The following HSD17B7 variants were observed in gnomAD, a reference collection of about 807,000 sequenced individuals.
HSD17B7 encodes 3-keto-steroid reductase/17-beta-hydroxysteroid dehydrogenase 7.
A neutral mutation model predicts 34.1 loss-of-function variants in HSD17B7; 17 were observed. That is an observed-to-expected ratio of 0.50 (90% CI 0.34 to 0.75). The LOEUF (loss-of-function observed/expected upper bound fraction) is 0.75. Among genes scored for constraint, HSD17B7 ranks in the 30% least tolerant of loss-of-function variants. HSD17B7 has a pLI of 0.01. For synonymous variants in HSD17B7, 122 were observed against 154.6 expected (o/e 0.79, Z 1.56); for missense variants, 296 against 406.6 (o/e 0.73, Z 2.34).
rs1169778683 is a variant in HSD17B7, at chr1:162,799,863, A to C, written c.568A>C (p.Lys190Gln). 1.9e-5 allele frequency: 31 copies of C among 1,614,002 alleles called. No individual in the cohort carries two copies. Among genetic ancestry groups the C allele is most frequent in the Non-Finnish European group, 2.6e-5 (31 of 1,179,984 alleles). ...SLEDFQHSKG[K>Q]EPYSSSKYAT... is the part of the protein sequence containing the mutation. ...CGAGGACTTCCAGCACAGCAAAGGC[A>C]AGGAACCCTACAGCTCTTCCAAATA... The change falls in exon 5 of 9, where the codon AAG (lysine) becomes CAG (glutamine). Residue 190 changes from lysine to glutamine, a missense_variant. Transcript: ENST00000254521.
At chr1:162,800,565 G>A (rs1255079482) in intron 5 of HSD17B7, among the ~76,000 whole-genome samples, 1 of 152,196 alleles carries the variant, frequency 6.6e-6, no homozygotes, top group East Asian at 1.9e-4. Flanking sequence ...AGGGGATGGT[G>A]ACCCTTGTTG....
intron 4 of HSD17B7, 25 bp from the exon 5 acceptor site, chr1:162,799,718 T>C (rs1158062360): frequency 6.3e-7 from 1 of 1,596,612 alleles, no homozygotes; most frequent in Non-Finnish European, 8.6e-7. Flanking sequence ...TATATTTTAA[T>C]ACTTTTTTTT....
chr1:162,799,838 C>T lies in HSD17B7; in HGVS notation c.543C>T (p.Leu181=), dbSNP rs370344067. ...GTGCAAGGAAATCTAATTTCAGCCTCGAGGACTTCCAGCACAGCAAAGGCA... is the reference window on the plus strand; with the variant it reads ...GTGCAAGGAAATCTAATTTCAGCCTTGAGGACTTCCAGCACAGCAAAGGCA... ...SRSARKSNFS[L]EDFQHSKGKE... is the part of the protein sequence containing the mutation. Residue 181 remains leucine, a synonymous_variant, in exon 5 of 9, where the codon CTC becomes CTT. Transcript: ENST00000254521. 5.6e-5 allele frequency: 90 copies of T among 1,613,828 alleles called. No individual in the cohort carries two copies. The highest frequency in any genetic ancestry group is 2.1e-4 in the South Asian group (19 of 91,062).
chr1:162,803,414 C>T lies in HSD17B7; in HGVS notation c.643-17C>T. On this transcript the variant is annotated splice_polypyrimidine_tract_variant and intron_variant, in intron 5 of 8. Transcript: ENST00000254521. Reference sequence around the variant, plus strand: ...ACACTGAGTTAAAGTCTCATTGCTACACCTCTCTGTTCCTAGGGTCTCTAT... The same window carrying T: ...ACACTGAGTTAAAGTCTCATTGCTATACCTCTCTGTTCCTAGGGTCTCTAT... 2 of 1,610,038 alleles carry T rather than the reference C, an allele frequency of 1.2e-6. No individual in the cohort carries two copies. Among genetic ancestry groups the T allele is most frequent in the Admixed American group, 3.3e-5 (2 of 59,856 alleles).
chr1:162,809,013 G>C (rs1466427855), intron 8 of HSD17B7, among the ~76,000 whole-genome samples: 3 of 152,196 alleles, frequency 2.0e-5, no homozygotes, highest in African/African-American at 7.2e-5. Context: ...ATGTTGAATA[G>C]GAGTGGAGAG....
intron 5 of HSD17B7, among the ~76,000 whole-genome samples, chr1:162,801,883 G>C (rs1441076899): frequency 6.6e-6 from 1 of 152,206 alleles, no homozygotes; most frequent in Non-Finnish European, 1.5e-5. Context: ...TTCTATTTAA[G>C]TCTCAATTAT....
At chr1:162,810,387 G>T (rs1649136156) in intron 8 of HSD17B7, among the ~76,000 whole-genome samples, 1 of 152,186 alleles carries the variant, frequency 6.6e-6, no homozygotes, top group Non-Finnish European at 1.5e-5. Context: ...GTCAATTTTG[G>T]AATAAGTGCT....
At chr1:162,793,420 C>T (rs1648488754) in intron 2 of HSD17B7, among the ~76,000 whole-genome samples, 1 of 149,970 alleles carries the variant, frequency 6.7e-6, no homozygotes, top group Non-Finnish European at 1.5e-5. Flanking sequence ...TCAGTTGGTA[C>T]TGGGATTACA....
At chr1:162,797,262 A>G (rs1033038280) in intron 3 of HSD17B7, 16 of 157,792 alleles carry the variant, frequency 1.0e-4, no homozygotes, top group Non-Finnish European at 1.8e-4. Flanking sequence ...CTTCTTTTCC[A>G]TTAAAAGACA....
Position 162,793,388 on chromosome 1 carries a change from A to C in HSD17B7, c.239+526A>C, listed in dbSNP as rs557209844. 3.3e-5 allele frequency among the ~76,000 whole-genome samples: 5 copies of C among 151,848 alleles called. No homozygotes were observed. The East Asian group carries it at 9.7e-4, about 29-fold the overall frequency. ...ATAATTATTTCATGGAGACTAATTT[A>C]TGAGTACATCCTGATGTGTGATCAG... On this transcript the variant is annotated intron_variant, in intron 2 of 8. Transcript: ENST00000254521.
intron 5 of HSD17B7, among the ~76,000 whole-genome samples, chr1:162,801,259 C>G (rs1407555206): frequency 1.3e-5 from 2 of 152,174 alleles, no homozygotes; most frequent in East Asian, 3.8e-4. Context: ...ACAGCACTTG[C>G]GCCCAGCCTG....
rs551232932 is a variant in HSD17B7 at position 162,808,151 on chromosome 1, G to A, written c.903+2659G>A. 3.4e-3 allele frequency among the ~76,000 whole-genome samples: 518 copies of A among 152,294 alleles called. 6 individuals are homozygous for A. Among genetic ancestry groups the A allele is most frequent in the Non-Finnish European group, 6.1e-3 (416 of 68,018 alleles). On this transcript the variant is annotated intron_variant, in intron 8 of 8. Transcript: ENST00000254521. ...TCTCGAATTAATTTTTGTATAAGGT[G>A]TAAGGAAGGGATCGAGTTTCAGCTT...
chr1:162,800,011 A>C (rs1648753983), intron 5 of HSD17B7, 74 bp downstream of exon 5: 1 of 1,272,938 alleles, frequency 7.9e-7, no homozygotes, highest in African/African-American at 1.5e-5. Context: ...TTTCCTAATA[A>C]GGTAGCTGGC....
At chr1:162,792,978 T>C in intron 2 of HSD17B7, 116 bp downstream of exon 2, 1 of 989,700 alleles carries the variant, frequency 1.0e-6, no homozygotes, top group Non-Finnish European at 1.5e-6. Context: ...AGCAGTTATG[T>C]TGAGGAAGTC....
intron 8 of HSD17B7, among the ~76,000 whole-genome samples, chr1:162,811,067 G>A (rs1332641063): frequency 2.0e-5 from 3 of 152,232 alleles, no homozygotes; most frequent in Admixed American, 1.3e-4. Flanking sequence ...AATTTGGCAT[G>A]TTTTTGCAGT....
chr1:162,802,500 C>T (rs895727586), intron 5 of HSD17B7, among the ~76,000 whole-genome samples: 2 of 152,088 alleles, frequency 1.3e-5, no homozygotes, highest in African/African-American at 4.8e-5. Context: ...TGATCCATGT[C>T]AGGCAGTGCC....
chr1:162,799,679 T>C (rs1648739447), intron 4 of HSD17B7, 64 bp from the exon 5 acceptor site: 2 of 1,269,674 alleles, frequency 1.6e-6, no homozygotes, highest in Non-Finnish European at 2.2e-6. Flanking sequence ...AGTACAGTGG[T>C]TTCAAAATTT....
In HSD17B7 at chr1:162,803,419, C is replaced by G. The variant is rs1274218707; in HGVS notation, c.643-12C>G. 1 of 1,611,134 alleles carries G rather than the reference C, an allele frequency of 6.2e-7. No individual in the cohort carries two copies. Among genetic ancestry groups the G allele is most frequent in the Non-Finnish European group, 8.5e-7 (1 of 1,178,156 alleles). On this transcript the variant is annotated splice_polypyrimidine_tract_variant and intron_variant, in intron 5 of 8. Transcript: ENST00000254521. Reference sequence around the variant, plus strand: ...GAGTTAAAGTCTCATTGCTACACCTCTCTGTTCCTAGGGTCTCTATTCCAA... The same window carrying G: ...GAGTTAAAGTCTCATTGCTACACCTGTCTGTTCCTAGGGTCTCTATTCCAA...
rs1648447197 is a variant in HSD17B7, at chr1:162,792,657, A to G, written c.36-2A>G. The stretch of plus-strand genomic sequence containing the variant: ...CATCTTGTGTCTGAATTGTCCTCCC[A>G]GTGGCATTGGCCTGGCCCTCTGCAA... On this transcript the variant is annotated splice_acceptor_variant, in intron 1 of 8. Transcript: ENST00000254521. LOFTEE classifies it high-confidence loss of function. The G allele has an allele frequency of 6.2e-7, 1 of 1,610,838 alleles. No homozygotes were observed. The highest frequency in any genetic ancestry group is 1.7e-5 in the Admixed American group (1 of 59,562).
Sources: allele counts gnomAD v4.1 joint callset (sites outside exome capture counted in the v4.1 genomes callset), GRCh38; gene constraint gnomAD v4.1.1; transcripts MANE v1.5; gene names NCBI Gene and HGNC (gene_info 2026-07-23, HGNC 2026-07-21).